UTS2B: variants seen among roughly 807,000 people sequenced by gnomAD.
The protein encoded by UTS2B is urotensin 2B, also known as urotensin-2B.
UTS2B carries 21 observed loss-of-function variants against 19.2 expected under a neutral mutation model. The observed-to-expected ratio is 1.09, with a 90% CI of 0.78 to 1.58. The LOEUF (loss-of-function observed/expected upper bound fraction) is 1.58. Among genes scored for constraint, UTS2B ranks in the 40% most tolerant of loss-of-function variants. The pLI is 0.00. For synonymous variants in UTS2B, 57 were observed against 50.2 expected (o/e 1.14, Z -0.58); for missense variants, 138 against 130.3 (o/e 1.06, Z -0.29).
intron 2 of UTS2B, among the ~76,000 whole-genome samples, chr3:191,319,859 C>T (rs1201058379): frequency 2.1e-5 from 3 of 141,616 alleles, no homozygotes; most frequent in Admixed American, 7.2e-5. Flanking sequence ...CAGTGCGAGA[C>T]TTGGTCTCAA....
At chr3:191,340,302 T>TA in the UTS2B span, among the ~76,000 whole-genome samples, 1 of 152,242 alleles carries the variant, frequency 6.6e-6, no homozygotes, top group Admixed American at 6.5e-5. Flanking sequence ...GCTTGCGCCT[T>TA]ATATACTATC....
chr3:191,343,672 A>G, the UTS2B span, among the ~76,000 whole-genome samples: 1 of 152,252 alleles, frequency 6.6e-6, no homozygotes, highest in African/African-American at 2.4e-5. Context: ...TACAGGAGAC[A>G]AGAAATCTAG....
chr3:191,291,043 T>A lies in UTS2B; in HGVS notation c.-124-8730A>T, dbSNP rs1223425766. Among the ~76,000 whole-genome samples, 3 of 150,856 alleles carry A rather than the reference T, an allele frequency of 2.0e-5. No individual in the cohort carries two copies. In the East Asian group the frequency reaches 5.8e-4, roughly 29 times the overall value. On this transcript the variant is annotated intron_variant, in intron 4 of 8. Coordinates refer to ENST00000340524, the MANE Select transcript of UTS2B (RefSeq NM_198152.5). ...GGAAGCAAAAGTAGAGTTTCTGACATCCTGACAAGACGGTGCTTGGAGTTC... is the reference window on the plus strand; with the variant it reads ...GGAAGCAAAAGTAGAGTTTCTGACAACCTGACAAGACGGTGCTTGGAGTTC...
upstream of UTS2B, among the ~76,000 whole-genome samples, chr3:191,330,848 A>G (rs887692351): frequency 1.3e-5 from 2 of 152,174 alleles, no homozygotes; most frequent in Non-Finnish European, 2.9e-5. Flanking sequence ...GAGACTAGTG[A>G]CTAGTGGTCA....
chr3:191,278,322 T>C (rs546220518), intron 5 of UTS2B, 152 bp from the exon 6 acceptor site: 1 of 470,040 alleles, frequency 2.1e-6, no homozygotes, highest in African/African-American at 2.0e-5. Flanking sequence ...ATTTAAGAAA[T>C]TATTGAATAT....
intron 8 of UTS2B, among the ~76,000 whole-genome samples, chr3:191,269,370 AT>A (rs1448385056): frequency 6.6e-6 from 1 of 152,132 alleles, no homozygotes; most frequent in Non-Finnish European, 1.5e-5. Context: ...CTCAGAGCCT[AT>A]TTTTCATTTC....
chr3:191,336,685 G>A, the UTS2B span, among the ~76,000 whole-genome samples: 3 of 152,132 alleles, frequency 2.0e-5, no homozygotes, highest in African/African-American at 7.2e-5. Context: ...ATCTCTTAGA[G>A]ATGGTTTCAG....
chr3:191,316,917 T>C (rs911801255), intron 2 of UTS2B, among the ~76,000 whole-genome samples: 1 of 151,502 alleles, frequency 6.6e-6, no homozygotes, highest in African/African-American at 2.5e-5. Flanking sequence ...GTTCTCCAAG[T>C]CCCCACCCGA....
intron 1 of UTS2B, chr3:191,329,613 G>T (rs956668408): frequency 1.3e-6 from 2 of 1,554,660 alleles, no homozygotes; most frequent in South Asian, 2.4e-5. Context: ...TCGGGGCCCC[G>T]CTCGGCGCCG....
chr3:191,279,314 G>A (rs548361464), intron 5 of UTS2B, among the ~76,000 whole-genome samples: 1 of 151,756 alleles, frequency 6.6e-6, no homozygotes, highest in African/African-American at 2.4e-5. Context: ...ATCAAATTTT[G>A]CTCAGCATCA....
chr3:191,309,549 T>TA (rs1717233810), intron 3 of UTS2B, among the ~76,000 whole-genome samples: 1 of 152,134 alleles, frequency 6.6e-6, no homozygotes, highest in African/African-American at 2.4e-5. Flanking sequence ...GGAAGACTGA[T>TA]ATGGTTTGGA....
intron 3 of UTS2B, among the ~76,000 whole-genome samples, chr3:191,307,966 G>A (rs574795082): frequency 6.6e-6 from 1 of 151,578 alleles, no homozygotes; most frequent in East Asian, 1.9e-4. Flanking sequence ...CTCCCAAGTA[G>A]CTGGGACTTT....
At chr3:191,318,839 C>A (rs770248341) in intron 2 of UTS2B, among the ~76,000 whole-genome samples, 43 of 151,800 alleles carry the variant, frequency 2.8e-4, no homozygotes, top group Non-Finnish European at 4.6e-4. Context: ...TTTTTTGTAA[C>A]CTTGGGTTGA....
the UTS2B span, among the ~76,000 whole-genome samples, chr3:191,339,934 A>G: frequency 6.6e-6 from 1 of 152,360 alleles, no homozygotes; most frequent in South Asian, 2.1e-4. Context: ...TGCTAGAAAT[A>G]GTGAAATCAG....
intron 4 of UTS2B, among the ~76,000 whole-genome samples, chr3:191,288,220 C>T (rs1437778885): frequency 6.6e-6 from 1 of 152,066 alleles, no homozygotes; most frequent in African/African-American, 2.4e-5. Context: ...TATAGCTTCA[C>T]CGCAATCTCT....
chr3:191,318,894 A>C (rs1717537097), intron 2 of UTS2B, among the ~76,000 whole-genome samples: 1 of 152,142 alleles, frequency 6.6e-6, no homozygotes, highest in Admixed American at 6.6e-5. Flanking sequence ...AATATTTGTA[A>C]ATTTTATATG....
At position 191,282,256 on chromosome 3, in the gene UTS2B, C is replaced by T; in HGVS notation, c.-67G>A. On this transcript the variant is annotated 5_prime_UTR_variant, in exon 5 of 9. Transcript: ENST00000340524. ...CAGGTCAAGATGGATATTTCTATAG[C>T]TTTGGAATTCAGTAGAGCTTAGTTG... The T allele has an allele frequency of 1.6e-6, 2 of 1,238,532 alleles. No individual in the cohort carries two copies. The highest frequency in any genetic ancestry group is 2.3e-6 in the Non-Finnish European group (2 of 875,866). 76.7% of individuals were successfully genotyped at this position (1,238,532 alleles called of 1,614,324 possible).
chr3:191,306,077 G>T (rs1261594403), intron 3 of UTS2B, among the ~76,000 whole-genome samples: 7 of 152,112 alleles, frequency 4.6e-5, no homozygotes, highest in South Asian at 2.1e-4. Flanking sequence ...TTGCCCTGTG[G>T]TACAGTTTGA....
intron 4 of UTS2B, among the ~76,000 whole-genome samples, chr3:191,284,837 C>T (rs1365261989): frequency 6.6e-6 from 1 of 151,684 alleles, no homozygotes; most frequent in African/African-American, 2.4e-5. Flanking sequence ...AAAATAAGTC[C>T]CTAGCTGTCC....
Sources: gnomAD v4.1 joint callset for allele counts (sites outside exome capture counted in the v4.1 genomes callset) on GRCh38, gnomAD v4.1.1 for gene constraint, MANE v1.5 for transcripts, NCBI Gene and HGNC (gene_info 2026-07-23, HGNC 2026-07-21) for gene names.